The following BARD1 variants were observed in gnomAD, a reference collection of about 807,000 sequenced individuals.
The protein encoded by BARD1 is BRCA1 associated RING domain 1.
Under a neutral mutation model 77.0 loss-of-function variants are expected in BARD1, and 73 were observed. The ratio of observed to expected loss-of-function variants is 0.95; its 90% CI spans 0.79 to 1.15. The LOEUF is 1.15. Among genes scored for constraint, BARD1 ranks in the 50% most tolerant of loss-of-function variants. BARD1 has a pLI of 0.00. For synonymous variants in BARD1, 384 were observed against 338.0 expected (o/e 1.14, Z -1.49); for missense variants, 993 against 938.8 (o/e 1.06, Z -0.75).
At chr2:214,734,004 T>C (rs1488146489) in intron 9 of BARD1, among the ~76,000 whole-genome samples, 1 of 152,160 alleles carries the variant, frequency 6.6e-6, no homozygotes, top group Non-Finnish European at 1.5e-5. Context: ...GGCTAACCTT[T>C]CAAAGAATAA....
chr2:214,806,900 CA>C (rs1272559142), intron 1 of BARD1, among the ~76,000 whole-genome samples: 1 of 147,586 alleles, frequency 6.8e-6, no homozygotes, highest in African/African-American at 2.5e-5. Context: ...AAAGGCACCC[CA>C]TGTGATATAA....
intron 3 of BARD1, among the ~76,000 whole-genome samples, chr2:214,785,304 T>C (rs78056540): frequency 0.053 from 8,003 of 152,118 alleles, 256 homozygotes; most frequent in Admixed American, 0.083. Context: ...TTTTCTGATT[T>C]TGACGATCAA....
At chr2:214,804,815 G>A (rs1457394617) in intron 1 of BARD1, among the ~76,000 whole-genome samples, 1 of 152,074 alleles carries the variant, frequency 6.6e-6, no homozygotes, top group Admixed American at 6.6e-5. Flanking sequence ...CTAGTTATTT[G>A]CAAATAACAC....
At chr2:214,765,811 C>T (rs922587636) in intron 6 of BARD1, among the ~76,000 whole-genome samples, 2 of 151,956 alleles carry the variant, frequency 1.3e-5, no homozygotes, top group Non-Finnish European at 2.9e-5. Flanking sequence ...TGAATTTGCC[C>T]CAATTATCTT....
intron 2 of BARD1, 66 bp downstream of exon 2, chr2:214,796,995 G>T: frequency 8.1e-7 from 1 of 1,227,222 alleles, no homozygotes; most frequent in South Asian, 1.2e-5. Context: ...TTATCAACAA[G>T]ATTACATGAT....
chr2:214,748,391 T>C (rs1341270706), intron 7 of BARD1, among the ~76,000 whole-genome samples: 1 of 152,136 alleles, frequency 6.6e-6, no homozygotes, highest in Non-Finnish European at 1.5e-5. Context: ...AAAGGTTTAA[T>C]ACCCTGATTT....
chr2:214,739,950 T>C (rs1295198135), intron 9 of BARD1, among the ~76,000 whole-genome samples: 1 of 151,994 alleles, frequency 6.6e-6, no homozygotes, highest in Admixed American at 6.6e-5. Context: ...TATCATAAAT[T>C]TTTCTTAGAC....
chr2:214,773,531 T>C (rs1240184205), intron 4 of BARD1, among the ~76,000 whole-genome samples: 1 of 152,168 alleles, frequency 6.6e-6, no homozygotes, highest in South Asian at 2.1e-4. Flanking sequence ...AAAGCAAATA[T>C]TGCAATAAAA....
intron 3 of BARD1, among the ~76,000 whole-genome samples, chr2:214,782,436 T>C (rs1695084677): frequency 6.6e-6 from 1 of 151,952 alleles, no homozygotes; most frequent in African/African-American, 2.4e-5. Flanking sequence ...TTTGTGCAAA[T>C]TCATTAAACT....
At chr2:214,756,703 T>C (rs966816272) in intron 6 of BARD1, among the ~76,000 whole-genome samples, 6 of 152,192 alleles carry the variant, frequency 3.9e-5, no homozygotes, top group Non-Finnish European at 7.3e-5. Context: ...CTGGAGACTA[T>C]TATTCTAGGT....
intron 6 of BARD1, 73 bp downstream of exon 6, chr2:214,767,409 T>C: frequency 6.9e-7 from 1 of 1,457,344 alleles, no homozygotes; most frequent in South Asian, 1.2e-5. Flanking sequence ...TATTTTAAAG[T>C]CTGCTTTATC....
At chr2:214,755,697 A>G (rs1352439293) in intron 6 of BARD1, among the ~76,000 whole-genome samples, 3 of 152,198 alleles carry the variant, frequency 2.0e-5, no homozygotes, top group African/African-American at 4.8e-5. Flanking sequence ...AAAGCTTTCT[A>G]TCAAACCTTC....
intron 4 of BARD1, among the ~76,000 whole-genome samples, chr2:214,774,330 CCATCTA>C (rs1458737019): frequency 6.6e-6 from 1 of 152,040 alleles, no homozygotes; most frequent in African/African-American, 2.4e-5. Flanking sequence ...TGTGGAATAC[CCATCTA>C]CAACAGCTAT....
rs147300861 is a variant in BARD1, at chr2:214,790,671, G to C, written c.364+1626C>G. Among the ~76,000 whole-genome samples the C allele has an allele frequency of 1.3e-4, 20 of 152,208 alleles. No homozygotes were observed. In the South Asian group the frequency reaches 3.5e-3, roughly 27 times the overall value. ...TGAATACATTACTATACAGCAACTG[G>C]TGAAGAACCAAATCAAAATATCATC... is the stretch of plus-strand genomic sequence containing the variant. On this transcript the variant is annotated intron_variant, in intron 3 of 10. Transcript: ENST00000260947.
At chr2:214,751,079 CTGTGTGTGTGTGTGTGTGTG>C (rs760986670) in intron 7 of BARD1, among the ~76,000 whole-genome samples, 40 of 39,400 alleles carry the variant, frequency 1.0e-3, no homozygotes, top group African/African-American at 3.8e-3. Flanking sequence ...CTGTGAAATT[CTGTGTGTGTGTGTGTGTGTG>C]TGTGTGTGTG....
chr2:214,774,771 CTGT>C, intron 4 of BARD1, among the ~76,000 whole-genome samples: 1 of 152,348 alleles, frequency 6.6e-6, no homozygotes, highest in East Asian at 1.9e-4. Context: ...TCACTGAAAT[CTGT>C]TGTTTAGTGT....
chr2:214,793,425 C>T (rs952246256), intron 2 of BARD1, among the ~76,000 whole-genome samples: 1 of 152,240 alleles, frequency 6.6e-6, no homozygotes, highest in South Asian at 2.1e-4. Context: ...TCACTGGGGT[C>T]AATAAATGTC....
chr2:214,732,797 A>G (rs1692413073), intron 9 of BARD1, among the ~76,000 whole-genome samples: 1 of 152,176 alleles, frequency 6.6e-6, no homozygotes, highest in Admixed American at 6.5e-5. Context: ...ACTAACTCAG[A>G]CTTTATGGCA....
At position 214,780,277 on chromosome 2, in the gene BARD1, G is replaced by A. The variant is rs555529776; in HGVS notation, c.1314+283C>T. On this transcript the variant is annotated intron_variant, in intron 4 of 10. Coordinates refer to ENST00000260947, the MANE Select transcript of BARD1 (RefSeq NM_000465.4). ...ACAGGTAAACAAAATGATAAAAACT[G>A]AAGGTAAAATAGACAAAAGCAAAAG... Among the ~76,000 whole-genome samples, 4 of 152,258 alleles carry A rather than the reference G, an allele frequency of 2.6e-5. No homozygotes were observed. The South Asian group carries it at 6.2e-4, about 24-fold the overall frequency.
Sources: allele counts gnomAD v4.1 joint callset (sites outside exome capture counted in the v4.1 genomes callset), GRCh38; gene constraint gnomAD v4.1.1; transcripts MANE v1.5; gene names NCBI Gene and HGNC (gene_info 2026-07-23, HGNC 2026-07-21).